The following KCNIP3 variants were observed in gnomAD, a reference collection of about 807,000 sequenced individuals.
The protein encoded by KCNIP3 is calsenilin.
In KCNIP3, 28 loss-of-function variants were observed where a neutral mutation model predicts 35.0. The observed-to-expected ratio is 0.80, with a 90% CI of 0.59 to 1.10. The LOEUF (loss-of-function observed/expected upper bound fraction) is 1.10, where lower values mean the gene tolerates loss of function less well. Ranked by LOEUF, KCNIP3 falls within the 50% of genes least tolerant of loss-of-function variation. The pLI, the probability that KCNIP3 is intolerant of heterozygous loss-of-function variation, is 0.00. For synonymous variants in KCNIP3, 134 were observed against 133.8 expected, an observed-to-expected ratio of 1.00 and a Z score of -0.01; for missense variants, 295 against 338.4, an observed-to-expected ratio of 0.87 and a Z score of 1.01.
At position 95,384,110 on chromosome 2, in the gene KCNIP3, C is replaced by A. The variant is rs2104311731; in HGVS notation, c.*61C>A. 1 of 1,470,568 alleles carries A rather than the reference C, an allele frequency of 6.8e-7. No individual in the cohort carries two copies. Among genetic ancestry groups the A allele is most frequent in the Non-Finnish European group, 9.5e-7 (1 of 1,050,708 alleles). The allele number at this position is 1,470,568 out of a possible 1,614,324, so 91.1% of individuals were successfully genotyped here. On this transcript the variant is annotated 3_prime_UTR_variant, in exon 9 of 9. Coordinates refer to ENST00000295225, the MANE Select transcript of KCNIP3 (RefSeq NM_013434.5). ...CCACCCCCAAGAAACCTCCATCCTG[C>A]CAGGAGCAGCCTCCAAGAAACTTTT...
chr2:95,325,930 CACAT>C (rs1405421753), intron 2 of KCNIP3, among the ~76,000 whole-genome samples: 7 of 149,668 alleles, frequency 4.7e-5, no homozygotes, highest in African/African-American at 1.8e-4. Flanking sequence ...CACACTCATA[CACAT>C]ACACATACAC....
intron 5 of KCNIP3, 77 bp downstream of exon 5, chr2:95,375,285 C>T (rs1391239252): frequency 7.4e-7 from 1 of 1,353,542 alleles, no homozygotes; most frequent in Non-Finnish European, 1.1e-6. Context: ...GCGTCACTGT[C>T]AGGGCTGTCG....
At chr2:95,313,555 C>G (rs1678376025) in intron 2 of KCNIP3, 1 of 152,338 alleles carries the variant, frequency 6.6e-6, no homozygotes, top group Non-Finnish European at 1.5e-5. Flanking sequence ...CATGCCTCCC[C>G]TGCATCTAAA....
At chr2:95,379,065 C>T (rs1490118575) in intron 5 of KCNIP3, among the ~76,000 whole-genome samples, 3 of 152,014 alleles carry the variant, frequency 2.0e-5, no homozygotes, top group Non-Finnish European at 4.4e-5. Context: ...TCCACTTTTC[C>T]ACCCCCTGCC....
At chr2:95,339,520 GT>G (rs1679141745) in intron 2 of KCNIP3, among the ~76,000 whole-genome samples, 1 of 151,990 alleles carries the variant, frequency 6.6e-6, no homozygotes, top group African/African-American at 2.4e-5. Flanking sequence ...GGAGGCGGAG[GT>G]CACAGTGAGG....
chr2:95,383,749 G>A (rs1430705818), intron 8 of KCNIP3, among the ~76,000 whole-genome samples: 1 of 152,230 alleles, frequency 6.6e-6, no homozygotes, highest in Non-Finnish European at 1.5e-5. Flanking sequence ...CTGGAGGCCA[G>A]CCGGGATCGC....
chr2:95,318,416 G>A (rs765860571), intron 2 of KCNIP3, among the ~76,000 whole-genome samples: 1 of 152,232 alleles, frequency 6.6e-6, no homozygotes, highest in Non-Finnish European at 1.5e-5. Context: ...GGGCAGGTGT[G>A]TATTAAGACC....
At chr2:95,317,062 C>A (rs985872899) in intron 2 of KCNIP3, among the ~76,000 whole-genome samples, 1 of 152,212 alleles carries the variant, frequency 6.6e-6, no homozygotes, top group Non-Finnish European at 1.5e-5. Flanking sequence ...AGAGGCACAG[C>A]AGGGCTGAGG....
rs768947914 is a variant in KCNIP3, at chr2:95,383,996, A to G, written c.724-6A>G. On this transcript the variant is annotated splice_region_variant and splice_polypyrimidine_tract_variant and intron_variant, in intron 8 of 8. Coordinates refer to ENST00000295225, the MANE Select transcript of KCNIP3 (RefSeq NM_013434.5). ...CCTGAAGGCCTCCCTTCCTCTCTCC[A>G]TGCAGGATGAGAACATCATGAGCTC... The G allele has an allele frequency of 8.1e-6, 13 of 1,613,666 alleles. No individual in the cohort carries two copies. Among genetic ancestry groups the G allele is most frequent in the East Asian group, 6.7e-5 (3 of 44,862 alleles).
chr2:95,325,097 T>C (rs1376029183), intron 2 of KCNIP3, among the ~76,000 whole-genome samples: 1 of 151,882 alleles, frequency 6.6e-6, no homozygotes, highest in Non-Finnish European at 1.5e-5. Flanking sequence ...GAGGGAAGTG[T>C]ACTGGCTGGG....
In KCNIP3 at chr2:95,377,449, C is replaced by A. The variant is rs1332436362; in HGVS notation, c.447+2241C>A. Among the ~76,000 whole-genome samples the A allele has an allele frequency of 1.3e-5, 2 of 152,282 alleles. No homozygotes were observed. The highest frequency in any genetic ancestry group is 2.9e-5 in the Non-Finnish European group (2 of 68,054). Reference sequence around the variant, plus strand: ...CTCCCACCCCCTCGCTGAGCACCTGCTCCGGGCTCTGCCGGGAGACCCTCC... The same window carrying A: ...CTCCCACCCCCTCGCTGAGCACCTGATCCGGGCTCTGCCGGGAGACCCTCC... On this transcript the variant is annotated intron_variant, in intron 5 of 8. Transcript: ENST00000295225. The surrounding 1 kb of genome is among the most constrained non-coding windows in gnomAD (Gnocchi z 4.7).
rs761474458 is a variant in KCNIP3 at position 95,297,397 on chromosome 2, G to T, written c.-42G>T. 6.4e-7 allele frequency: 1 copy of T among 1,556,594 alleles called. No individual in the cohort carries two copies. Among genetic ancestry groups the T allele is most frequent in the South Asian group, 1.2e-5 (1 of 84,626 alleles). ...CTGGGCAGTCTTGTCTGCCTCGGCT[G>T]TGAAGTGGGGAGGCTGGCAACAGTT... On this transcript the variant is annotated 5_prime_UTR_variant, in exon 1 of 9. Transcript: ENST00000295225.
chr2:95,370,207 G>T, intron 2 of KCNIP3, among the ~76,000 whole-genome samples: 1 of 152,120 alleles, frequency 6.6e-6, no homozygotes, highest in East Asian at 1.9e-4. Context: ...TTGTGAAAGG[G>T]ATAGTGTAGG....
At chr2:95,349,568 G>C (rs1356753365) in intron 2 of KCNIP3, among the ~76,000 whole-genome samples, 2 of 152,190 alleles carry the variant, frequency 1.3e-5, no homozygotes, top group Non-Finnish European at 2.9e-5. Context: ...AGCAGTAATG[G>C]AGCAGGAAGC....
At chr2:95,332,324 A>G (rs776625392) in intron 2 of KCNIP3, among the ~76,000 whole-genome samples, 5 of 152,254 alleles carry the variant, frequency 3.3e-5, no homozygotes, top group Non-Finnish European at 7.3e-5. Flanking sequence ...TAAGGTTTAT[A>G]TAAGTCTGGC....
intron 2 of KCNIP3, among the ~76,000 whole-genome samples, chr2:95,342,552 G>A (rs1457677157): frequency 1.3e-5 from 2 of 152,302 alleles, no homozygotes; most frequent in Middle Eastern, 3.4e-3. Flanking sequence ...TGGTTCATAT[G>A]TCCGAAAGAT....
chr2:95,331,007 G>A (rs1347643107), intron 2 of KCNIP3, among the ~76,000 whole-genome samples: 1 of 152,206 alleles, frequency 6.6e-6, no homozygotes, highest in South Asian at 2.1e-4. Context: ...ATACAGATCC[G>A]AGGGGTGAGG....
At chr2:95,362,826 G>T (rs1164069345) in intron 2 of KCNIP3, among the ~76,000 whole-genome samples, 2 of 152,156 alleles carry the variant, frequency 1.3e-5, no homozygotes, top group East Asian at 3.9e-4. Context: ...GAGGACCCCT[G>T]CACTAGAGTG....
In KCNIP3 at chr2:95,337,772, G is replaced by A. The variant is rs143067789; in HGVS notation, c.181+27252G>A. Among the ~76,000 whole-genome samples the A allele has an allele frequency of 1.2e-4, 18 of 152,236 alleles. No homozygotes were observed. In the East Asian group the frequency reaches 2.7e-3, roughly 23 times the overall value. On this transcript the variant is annotated intron_variant, in intron 2 of 8. Transcript: ENST00000295225. ...TCCTCACCTCTCCAGTCCTTCTGCC[G>A]CTACCTCAGTCCAGGCCACCCTCAT...
Sources: gnomAD v4.1 joint callset for allele counts (sites outside exome capture counted in the v4.1 genomes callset) on GRCh38, gnomAD v4.1.1 for gene constraint, Gnocchi (gnomAD v3.1) non-coding constraint, MANE v1.5 for transcripts, NCBI Gene and HGNC (gene_info 2026-07-23, HGNC 2026-07-21) for gene names.